The following FHIT variants were observed in gnomAD, a reference collection of about 807,000 sequenced individuals.
FHIT encodes the protein fragile histidine triad diadenosine triphosphatase.
A neutral mutation model predicts 17.9 loss-of-function variants in FHIT; 19 were observed. The ratio of observed to expected loss-of-function variants is 1.06; its 90% CI spans 0.74 to 1.56. FHIT has a LOEUF of 1.56. FHIT is among the 40% of genes most tolerant of loss of function. The probability of loss-of-function intolerance (pLI) is 0.00; values close to 1 mark genes in which losing one functional copy is unlikely to be tolerated. For missense variants in FHIT, 248 were observed against 189.2 expected, an observed-to-expected ratio of 1.31 and a Z score of -1.82; for synonymous variants, 81 against 69.7, an observed-to-expected ratio of 1.16 and a Z score of -0.81.
At chr3:59,879,111 C>T (rs1703292485) in intron 8 of FHIT, among the ~76,000 whole-genome samples, 1 of 152,148 alleles carries the variant, frequency 6.6e-6, no homozygotes, top group Non-Finnish European at 1.5e-5. Flanking sequence ...GAGCTTCTCA[C>T]ACAGTAATTA....
At chr3:60,974,773 T>A (rs1031099825) in intron 3 of FHIT, among the ~76,000 whole-genome samples, 1 of 152,190 alleles carries the variant, frequency 6.6e-6, no homozygotes, top group Non-Finnish European at 1.5e-5. Context: ...AGTCCACTGA[T>A]AATGTTTTAC....
At chr3:59,897,261 C>G (rs954857530) in intron 8 of FHIT, among the ~76,000 whole-genome samples, 7 of 152,188 alleles carry the variant, frequency 4.6e-5, no homozygotes, top group Non-Finnish European at 8.8e-5. Flanking sequence ...TGTTAATTAA[C>G]TTAAATTTAG....
At chr3:60,360,078 C>T (rs2106993066) in intron 5 of FHIT, among the ~76,000 whole-genome samples, 1 of 151,040 alleles carries the variant, frequency 6.6e-6, no homozygotes. Flanking sequence ...TTGAAAGTTC[C>T]CCATTAGGTG....
At chr3:60,130,778 G>GTATATACACACATATA (rs1401102205) in intron 5 of FHIT, among the ~76,000 whole-genome samples, 4 of 1,826 alleles carry the variant, frequency 2.2e-3, no homozygotes, top group African/African-American at 9.7e-3. Context: ...GTGTGTGTGT[G>GTATATACACACATATA]TGTGTGGTGT....
intron 5 of FHIT, among the ~76,000 whole-genome samples, chr3:60,380,558 T>G (rs558243300): frequency 6.6e-6 from 1 of 152,198 alleles, no homozygotes; most frequent in Non-Finnish European, 1.5e-5. Flanking sequence ...TTCTGAAGGT[T>G]GTACAACCTT....
chr3:60,838,602 T>A (rs982603683), intron 3 of FHIT, among the ~76,000 whole-genome samples: 1 of 152,186 alleles, frequency 6.6e-6, no homozygotes, highest in African/African-American at 2.4e-5. Context: ...GATACTGGCT[T>A]GACTGTTGAT....
intron 5 of FHIT, among the ~76,000 whole-genome samples, chr3:60,244,278 CCT>C (rs1390704205): frequency 1.3e-5 from 2 of 151,832 alleles, no homozygotes; most frequent in African/African-American, 2.4e-5. Context: ...TACACACATA[CCT>C]ATATACACAT....
At chr3:60,806,984 T>C (rs1447923) in intron 4 of FHIT, among the ~76,000 whole-genome samples, 47,305 of 152,078 alleles carry the variant, frequency 0.31, 8,068 homozygotes, top group Middle Eastern at 0.4. Context: ...CACCATGACT[T>C]ACCAATTTGT....
At chr3:59,917,204 C>A (rs1705174559) in intron 8 of FHIT, among the ~76,000 whole-genome samples, 1 of 152,232 alleles carries the variant, frequency 6.6e-6, no homozygotes, top group African/African-American at 2.4e-5. Context: ...CTTGAACCCA[C>A]AGTTGCTTTG....
chr3:59,935,064 G>A (rs1261761665), intron 7 of FHIT, among the ~76,000 whole-genome samples: 2 of 152,140 alleles, frequency 1.3e-5, no homozygotes, highest in African/African-American at 4.8e-5. Context: ...TTATGGACAG[G>A]TAGAACCCTG....
At chr3:60,308,968 C>T (rs145064508) in intron 5 of FHIT, among the ~76,000 whole-genome samples, 464 of 152,256 alleles carry the variant, frequency 3.0e-3, no homozygotes, top group African/African-American at 0.011. Context: ...TTATCTCACA[C>T]ATCACACACC....
intron 2 of FHIT, among the ~76,000 whole-genome samples, chr3:61,174,745 T>C (rs1176048105): frequency 6.6e-6 from 1 of 152,244 alleles, no homozygotes. Flanking sequence ...CAGGCTATTC[T>C]GATATTTCAA....
chr3:60,255,757 C>A (rs1169548270), intron 5 of FHIT, among the ~76,000 whole-genome samples: 1 of 152,052 alleles, frequency 6.6e-6, no homozygotes, highest in Non-Finnish European at 1.5e-5. Flanking sequence ...AGATGGATAT[C>A]TATAACTGGT....
intron 5 of FHIT, among the ~76,000 whole-genome samples, chr3:60,514,116 A>G (rs2035055144): frequency 6.6e-6 from 1 of 152,004 alleles, no homozygotes; most frequent in South Asian, 2.1e-4. Context: ...TGCACACACT[A>G]CCCTTCAATC....
chr3:60,038,817 T>C (rs1306698239), intron 5 of FHIT, among the ~76,000 whole-genome samples: 10 of 152,164 alleles, frequency 6.6e-5, no homozygotes, highest in Admixed American at 1.3e-4. Flanking sequence ...AAGCCAAAAC[T>C]GAACAACAAT....
At chr3:60,667,150 C>A (rs968926837) in intron 4 of FHIT, among the ~76,000 whole-genome samples, 6 of 147,830 alleles carry the variant, frequency 4.1e-5, no homozygotes, top group Non-Finnish European at 8.9e-5. Flanking sequence ...AGATTACAGG[C>A]ATGAGCCACC....
intron 3 of FHIT, among the ~76,000 whole-genome samples, chr3:60,867,519 G>T (rs1366803159): frequency 6.6e-6 from 1 of 152,128 alleles, no homozygotes; most frequent in African/African-American, 2.4e-5. Context: ...TCTTCAGAAG[G>T]TTTAACTATG....
In FHIT at chr3:60,244,124, A is replaced by G. The variant is rs114359550; in HGVS notation, c.104-229972T>C. Among the ~76,000 whole-genome samples the G allele has an allele frequency of 8.8e-3, 1,335 of 152,214 alleles. 11 individuals are homozygous for G. The highest frequency in any genetic ancestry group is 0.065 in the Middle Eastern group (19 of 294). On this transcript the variant is annotated intron_variant, in intron 5 of 9. Transcript: ENST00000492590. ...TAAAAGTGGCTTTTCTGATCACAGC[A>G]ATTCTCAGGCAGTTTAGGTGTAGTG...
chr3:59,917,946 C>T (rs750244263), intron 8 of FHIT, among the ~76,000 whole-genome samples: 1 of 152,184 alleles, frequency 6.6e-6, no homozygotes, highest in Admixed American at 6.5e-5. Context: ...ATCAGACTTG[C>T]TTAGCAATCA....
Sources: allele counts gnomAD v4.1 joint callset (sites outside exome capture counted in the v4.1 genomes callset), GRCh38; gene constraint gnomAD v4.1.1; transcripts MANE v1.5; gene names NCBI Gene and HGNC (gene_info 2026-07-23, HGNC 2026-07-21).